The following SMG1 variants were observed in gnomAD, a reference collection of about 807,000 sequenced individuals.
SMG1 encodes the protein SMG1 nonsense mediated mRNA decay associated PI3K related kinase, also known as serine/threonine-protein kinase SMG1.
A neutral mutation model predicts 419.9 loss-of-function variants in SMG1; 22 were observed. That is an observed-to-expected ratio of 0.05 (90% confidence interval 0.04 to 0.07). The LOEUF (loss-of-function observed/expected upper bound fraction) is 0.07. Among genes scored for constraint, SMG1 ranks in the 10% least tolerant of loss-of-function variants. The pLI is 1.00. For synonymous variants in SMG1, 1,538 were observed against 1,553.5 expected, an observed-to-expected ratio of 0.99 and a Z score of 0.23; for missense variants, 3,185 against 4,342.0, an observed-to-expected ratio of 0.73 and a Z score of 7.49.
At chr16:18,860,971 A>C (rs1225993067) in intron 25 of SMG1, 195 bp from the exon 26 acceptor site, 2 of 460,044 alleles carry the variant, frequency 4.3e-6, no homozygotes, top group East Asian at 3.8e-5. Context: ...TAGTACTCAA[A>C]TTGGAGTGGC....
chr16:18,818,983 A>G (rs1178535055), intron 56 of SMG1, among the ~76,000 whole-genome samples: 1 of 151,902 alleles, frequency 6.6e-6, no homozygotes, highest in African/African-American at 2.4e-5. Context: ...CACCCAGCTA[A>G]TTTTTTTGTA....
intron 20 of SMG1, 97 bp downstream of exon 20, chr16:18,869,007 A>C: frequency 8.9e-7 from 1 of 1,128,650 alleles, no homozygotes; most frequent in Non-Finnish European, 1.3e-6. Context: ...TTTTCAAAAA[A>C]ATCATATACT....
intron 16 of SMG1, 134 bp from the exon 17 acceptor site, chr16:18,871,022 C>T: frequency 3.2e-6 from 2 of 629,370 alleles, no homozygotes; most frequent in Non-Finnish European, 5.5e-6. Flanking sequence ...CTACTCTTGT[C>T]CAGAATTCTC....
At chr16:18,812,647 TACAC>T (rs146911328) in intron 60 of SMG1, among the ~76,000 whole-genome samples, 3 of 127,658 alleles carry the variant, frequency 2.4e-5, no homozygotes, top group Non-Finnish European at 3.7e-5. Flanking sequence ...TATACACATA[TACAC>T]ACACACACAC....
At position 18,815,637 on chromosome 16, in the gene SMG1, A is replaced by G. The variant is rs2053854730; in HGVS notation, c.10317T>C (p.Ala3439=). ...AGGGAACATCTTCACCATCTGCCAG[A>G]GCAGCTTCTTCATCCTAGAATTGAT... ...LKAMAKDEEA[A]LADGEDVPYE... The change falls in exon 59 of 63, where the codon GCT becomes GCC. Residue 3439 remains alanine (A), a synonymous_variant. Transcript: ENST00000446231. 1 of 1,613,616 alleles carries G rather than the reference A, an allele frequency of 6.2e-7. No homozygotes were observed. Among genetic ancestry groups the G allele is most frequent in the African/African-American group, 1.3e-5 (1 of 74,932 alleles).
At chr16:18,832,474 G>GT (rs2033255458) in intron 51 of SMG1, among the ~76,000 whole-genome samples, 1 of 152,182 alleles carries the variant, frequency 6.6e-6, no homozygotes, top group African/African-American at 2.4e-5. Context: ...TCTCCAAGGG[G>GT]TTCTACAAGA....
rs1567297812 is a variant in SMG1 at position 18,805,342 on chromosome 16, T to C, written c.*4227A>G. The C allele has an allele frequency of 6.6e-6, 1 of 152,216 alleles. No homozygotes were observed. Among genetic ancestry groups the C allele is most frequent in the African/African-American group, 2.4e-5 (1 of 41,462 alleles). 9.4% of individuals were successfully genotyped at this position (152,216 alleles called of 1,614,324 possible). A position where few individuals can be genotyped will look rare whatever the true frequency, so the allele number is the denominator to read the frequency against. On this transcript the variant is annotated 3_prime_UTR_variant, in exon 63 of 63. Transcript: ENST00000446231. ...TGTGCATTTCAGAACATAGAATTCTTCTAAGTTTACCATCTTCAAAAATCT... is the reference window on the plus strand; with the variant it reads ...TGTGCATTTCAGAACATAGAATTCTCCTAAGTTTACCATCTTCAAAAATCT...
intron 1 of SMG1, among the ~76,000 whole-genome samples, chr16:18,919,531 G>C (rs2038102313): frequency 6.6e-6 from 1 of 151,636 alleles, no homozygotes; most frequent in Non-Finnish European, 1.5e-5. Context: ...GGATGAGGCA[G>C]GAGAATGGCG....
chr16:18,926,223 T>G lies in SMG1; in HGVS notation c.-182A>C. 1.7e-6 allele frequency: 1 copy of G among 575,018 alleles called. No homozygotes were observed. The highest frequency in any genetic ancestry group is 3.0e-6 in the Non-Finnish European group (1 of 336,594). 35.6% of individuals were successfully genotyped at this position (575,018 alleles called of 1,614,324 possible). ...GAGGGCGGGGGAAGAGGACGGCCGTTCCGGGTTCCGCCTGAGCCCGCAGCG... is the reference window on the plus strand; with the variant it reads ...GAGGGCGGGGGAAGAGGACGGCCGTGCCGGGTTCCGCCTGAGCCCGCAGCG... On this transcript the variant is annotated 5_prime_UTR_variant, in exon 1 of 63. Coordinates refer to ENST00000446231, the MANE Select transcript of SMG1 (RefSeq NM_015092.5).
Position 18,813,770 on chromosome 16 carries a change from T to C in SMG1, c.10621+1405A>G, listed in dbSNP as rs1483998706. 6.6e-5 allele frequency among the ~76,000 whole-genome samples: 10 copies of C among 152,282 alleles called. No individual in the cohort carries two copies. The East Asian group carries it at 1.9e-3, about 29-fold the overall frequency. ...TGTCCTGAATGGTATTGCCTAGGTT[T>C]TCTTCTAGGGTTTTTATGGTTTTAG... On this transcript the variant is annotated intron_variant, in intron 60 of 62. Transcript: ENST00000446231.
In SMG1 at chr16:18,872,694, T is replaced by C. The variant is rs537441799; in HGVS notation, c.1891-70A>G. ...AAGCACAAGCATACAGAGTTTATCC[T>C]TCAAAATAGGGGTATCTGGACATTT... On this transcript the variant is annotated intron_variant, in intron 13 of 62. Coordinates refer to ENST00000446231, the MANE Select transcript of SMG1 (RefSeq NM_015092.5). The C allele has an allele frequency of 6.4e-5, 79 of 1,240,092 alleles. No homozygotes were observed. The African/African-American group carries it at 1.0e-3, about 16-fold the overall frequency. The allele number at this position is 1,240,092 out of a possible 1,614,324, so 76.8% of individuals were successfully genotyped here.
In SMG1 at chr16:18,918,550, G is replaced by GGTTTTT. The variant is rs896749928; in HGVS notation, c.92+7394_92+7399dup. 2.6e-5 allele frequency among the ~76,000 whole-genome samples: 4 copies of GGTTTTT among 152,030 alleles called. No individual in the cohort carries two copies. In the East Asian group the frequency reaches 5.8e-4, roughly 22 times the overall value. On this transcript the variant is annotated intron_variant, in intron 1 of 62. Transcript: ENST00000446231. ...TAGCTTTCCCTCCTCTGACCCTCCA[G>GGTTTTT]GTTTTTGTTTTTGTTTTTGAGACAG...
chr16:18,852,552 A>C (rs2034660089), intron 31 of SMG1, 90 bp from the exon 32 acceptor site: 2 of 1,199,892 alleles, frequency 1.7e-6, no homozygotes, highest in East Asian at 2.8e-5. Context: ...TTAGCATTTT[A>C]GGTTTTTATC....
At chr16:18,874,804 G>A (rs1026399328) in intron 13 of SMG1, among the ~76,000 whole-genome samples, 14 of 136,882 alleles carry the variant, frequency 1.0e-4, no homozygotes, top group African/African-American at 3.1e-4. Context: ...AGGCAGAGGT[G>A]GCAGTGAGCC....
At chr16:18,813,915 C>T (rs969025946) in intron 60 of SMG1, among the ~76,000 whole-genome samples, 16 of 149,886 alleles carry the variant, frequency 1.1e-4, no homozygotes, top group African/African-American at 3.2e-4. Context: ...CTTGTAATTC[C>T]AGCTACTGGG....
At chr16:18,897,668 T>C (rs1405650333) in intron 1 of SMG1, among the ~76,000 whole-genome samples, 1 of 152,170 alleles carries the variant, frequency 6.6e-6, no homozygotes, top group South Asian at 2.1e-4. Flanking sequence ...AGTAAACAAG[T>C]AGGGTACAGC....
intron 6 of SMG1, among the ~76,000 whole-genome samples, chr16:18,887,207 G>A (rs1278540910): frequency 6.6e-6 from 1 of 152,122 alleles, no homozygotes; most frequent in Non-Finnish European, 1.5e-5. Context: ...CTATGAATGT[G>A]AGAATTTTCA....
chr16:18,909,439 G>A (rs1325737848), intron 1 of SMG1, among the ~76,000 whole-genome samples: 1 of 152,166 alleles, frequency 6.6e-6, no homozygotes, highest in East Asian at 1.9e-4. Flanking sequence ...AGCTACTCAG[G>A]AGGCTGAAAC....
intron 33 of SMG1, among the ~76,000 whole-genome samples, 162 bp downstream of exon 33, chr16:18,851,905 T>C (rs1404923447): frequency 6.6e-6 from 1 of 152,200 alleles, no homozygotes; most frequent in African/African-American, 2.4e-5. Flanking sequence ...TATATTCTTC[T>C]TAGAAAAATA....
Sources: allele counts gnomAD v4.1 joint callset (sites outside exome capture counted in the v4.1 genomes callset), GRCh38; gene constraint gnomAD v4.1.1; transcripts MANE v1.5; gene names NCBI Gene and HGNC (gene_info 2026-07-23, HGNC 2026-07-21).